Variants in SOX30 observed in about 807,000 individuals in gnomAD.
The protein encoded by SOX30 is SRY-box transcription factor 30.
A neutral mutation model predicts 58.6 loss-of-function variants in SOX30; 17 were observed. The ratio of observed to expected loss-of-function variants is 0.29; its 90% CI spans 0.20 to 0.44. The LOEUF (loss-of-function observed/expected upper bound fraction) is 0.44. Among genes scored for constraint, SOX30 ranks in the 20% least tolerant of loss-of-function variants. The pLI, the probability that SOX30 is intolerant of heterozygous loss-of-function variation, is 1.00. For synonymous variants in SOX30, 421 were observed against 400.2 expected, an observed-to-expected ratio of 1.05 and a Z score of -0.62; for missense variants, 951 against 965.8, an observed-to-expected ratio of 0.98 and a Z score of 0.20.
At position 157,638,569 on chromosome 5, in the gene SOX30, G is replaced by A. The variant is rs1369979711; in HGVS notation, c.1541C>T (p.Thr514Ile). 6.2e-7 allele frequency: 1 copy of A among 1,614,178 alleles called. No individual in the cohort carries two copies. Among genetic ancestry groups the A allele is most frequent in the South Asian group, 1.1e-5 (1 of 91,078 alleles). The stretch of plus-strand genomic sequence containing the variant: ...ATGAGTGTCTGTTTGGGAAGGCCCA[G>A]TAAAGCGTTGGGGTGGGAGTGCTGG... ...VYPALPPQRF[T>I]GPSQTDTHQL... Residue 514 changes from threonine (T) to isoleucine (I), a missense_variant, in exon 4 of 5, where the codon ACT (threonine) becomes ATT (isoleucine). By Grantham distance (89) the Thr-to-Ile change is moderately conservative. This residue lies in a region of SOX30 where 381 missense variants were observed against 390.0 expected (regional missense o/e 0.98). Transcript: ENST00000265007.
chr5:157,663,434 G>A (rs1318133838), intron 2 of SOX30, among the ~76,000 whole-genome samples: 6 of 152,086 alleles, frequency 3.9e-5, no homozygotes, highest in African/African-American at 1.2e-4. Context: ...AATAAATTTG[G>A]TATTGATGGG....
chr5:157,642,573 G>A lies in SOX30; in HGVS notation c.1388-3851C>T, dbSNP rs528395726. On this transcript the variant is annotated intron_variant, in intron 3 of 4. Transcript: ENST00000265007. ...TAGAAAAATGGAGATTATTTTACAT[G>A]ACAATGCTAAAAACACAAAAGAAAG... Among the ~76,000 whole-genome samples, 3 of 152,106 alleles carry A rather than the reference G, an allele frequency of 2.0e-5. No homozygotes were observed. The East Asian group carries it at 5.8e-4, about 29-fold the overall frequency.
At position 157,651,149 on chromosome 5, in the gene SOX30, G is replaced by T. The variant is rs770407746; in HGVS notation, c.930C>A (p.Thr310=). Reference sequence around the variant, plus strand: ...GCAACACGGTGAGCGGGACATCTTTGGTTTCAATTTTTACAGAAGGCTCCA... The same window carrying T: ...GCAACACGGTGAGCGGGACATCTTTTGTTTCAATTTTTACAGAAGGCTCCA... The part of the protein sequence containing the change: ...SLLEPSVKIE[T]KDVPLTVLPS... The change falls in exon 1 of 5, where the codon ACC becomes ACA. Residue 310 remains threonine, a synonymous_variant. Transcript: ENST00000265007. 1.2e-5 allele frequency: 19 copies of T among 1,573,892 alleles called. No homozygotes were observed. The highest frequency in any genetic ancestry group is 1.6e-5 in the Non-Finnish European group (18 of 1,159,994).
chr5:157,626,600 T>C lies in SOX30; in HGVS notation c.2002A>G (p.Arg668Gly). 6.2e-7 allele frequency: 1 copy of C among 1,614,224 alleles called. No individual in the cohort carries two copies. The highest frequency in any genetic ancestry group is 8.5e-7 in the Non-Finnish European group (1 of 1,180,038). The change falls in exon 5 of 5, where the codon AGA becomes GGA. Residue 668 changes from arginine (R) to glycine (G), a missense_variant. Transcript: ENST00000265007. ...GAGTAGTCTCTAAAAGAATAGTCTCTATTTAAAGTTGAAAAGATACCCTCA... is the reference window on the plus strand; with the variant it reads ...GAGTAGTCTCTAAAAGAATAGTCTCCATTTAAAGTTGAAAAGATACCCTCA... Reference protein sequence around the residue: ...KHEGIFSTLNRDYSFRDYSSE... With the variant: ...KHEGIFSTLNGDYSFRDYSSE...
intron 4 of SOX30, among the ~76,000 whole-genome samples, chr5:157,627,723 G>A (rs377099828): frequency 3.9e-5 from 6 of 152,122 alleles, no homozygotes; most frequent in African/African-American, 7.2e-5. Context: ...GGCCGGGCGC[G>A]GTGGCTCACG....
Position 157,669,528 on chromosome 5 carries a change from T to TTATTTATC in SOX30, c.-3-1677_-3-1676insGATAAATA, listed in dbSNP as rs1441841434. 3.2e-3 allele frequency among the ~76,000 whole-genome samples: 463 copies of TTATTTATC among 146,554 alleles called. 5 individuals are homozygous for TTATTTATC. The highest frequency in any genetic ancestry group is 0.011 in the African/African-American group (437 of 39,496). On this transcript the variant is annotated intron_variant, in intron 1 of 5. Transcript: ENST00000519442. ...TTTATTTATTTATTTATTTATTTAT[T>TTATTTATC]TATCTGAGACAAAGTATTTCTCTGT...
chr5:157,667,947 G>C, intron 1 of SOX30: 1 of 1,334,664 alleles, frequency 7.5e-7, no homozygotes, highest in Non-Finnish European at 1.0e-6. Context: ...AACAACACTT[G>C]TCAGGCATCA....
Position 157,638,296 on chromosome 5 carries a change from C to T in SOX30, c.1814G>A (p.Gly605Glu). 6.2e-7 allele frequency: 1 copy of T among 1,601,304 alleles called. No homozygotes were observed. Among genetic ancestry groups the T allele is most frequent in the Middle Eastern group, 1.7e-4 (1 of 5,988 alleles). Residue 605 changes from glycine to glutamate, a missense_variant, in exon 4 of 5, where the codon GGG (glycine) becomes GAG (glutamate). Around this residue, in one of 7 missense-constraint regions of SOX30, gnomAD observed 381 missense variants for 390.0 expected, o/e 0.98. Coordinates refer to ENST00000265007, the MANE Select transcript of SOX30 (RefSeq NM_178424.2). ...ATGAAAAGAGAATCTTGGTGGTGTC[C>T]CGAACAGTGTGGCTGGATGGCCAAG... The part of the protein sequence containing the change: ...PPLGHPATLF[G>E]TPPRFSFHHP...
intron 2 of SOX30, among the ~76,000 whole-genome samples, chr5:157,657,824 AT>A (rs1289233265): frequency 1.3e-5 from 2 of 152,264 alleles, no homozygotes; most frequent in African/African-American, 2.4e-5. Flanking sequence ...CATAAGTGCA[AT>A]AAGAACCTCT....
At chr5:157,658,910 G>T (rs1482728828) in intron 2 of SOX30, among the ~76,000 whole-genome samples, 1 of 152,178 alleles carries the variant, frequency 6.6e-6, no homozygotes, top group African/African-American at 2.4e-5. Context: ...ACAGCTTGCA[G>T]ATAAAACAGG....
intron 4 of SOX30, among the ~76,000 whole-genome samples, chr5:157,630,647 G>A (rs1273833354): frequency 6.6e-6 from 1 of 151,538 alleles, no homozygotes; most frequent in Non-Finnish European, 1.5e-5. Flanking sequence ...TTTACAGATT[G>A]GCTTTGAACT....
intron 4 of SOX30, among the ~76,000 whole-genome samples, chr5:157,634,794 C>T (rs1758888560): frequency 2.0e-5 from 3 of 152,060 alleles, no homozygotes; most frequent in South Asian, 4.2e-4. Flanking sequence ...ATTACAGGTG[C>T]CCACCACCAC....
chr5:157,647,121 G>T (rs1247560345), intron 2 of SOX30, among the ~76,000 whole-genome samples: 3 of 151,192 alleles, frequency 2.0e-5, no homozygotes, highest in Non-Finnish European at 2.9e-5. Flanking sequence ...GAGTGCAATG[G>T]CACAATCTCG....
chr5:157,659,178 C>T (rs527663288), intron 2 of SOX30, among the ~76,000 whole-genome samples: 14 of 152,348 alleles, frequency 9.2e-5, no homozygotes, highest in African/African-American at 3.1e-4. Context: ...TATTGCTTTA[C>T]TTTCTTAAAC....
chr5:157,638,256 T>G lies in SOX30; in HGVS notation c.1854A>C (p.Leu618=). 6.5e-7 allele frequency: 1 copy of G among 1,541,588 alleles called. No individual in the cohort carries two copies. The highest frequency in any genetic ancestry group is 1.3e-5 in the South Asian group (1 of 79,000). Residue 618 remains leucine, a synonymous_variant, in exon 4 of 5, where the codon CTA becomes CTC. Transcript: ENST00000265007. Reference sequence around the variant, plus strand: ...TTGATGGGAAGTAGTGAGGTCCGGGTAGGAAGTAAGGGTGATGAAAAGAGA... The same window carrying G: ...TTGATGGGAAGTAGTGAGGTCCGGGGAGGAAGTAAGGGTGATGAAAAGAGA... ...PRFSFHHPYF[L]PGPHYFPSST... is the part of the protein sequence containing the mutation.
At chr5:157,666,295 G>T (rs543648842) in intron 2 of SOX30, among the ~76,000 whole-genome samples, 1 of 151,970 alleles carries the variant, frequency 6.6e-6, no homozygotes, top group South Asian at 2.1e-4. Context: ...AGAGTAGCTG[G>T]GACCACAGGA....
chr5:157,654,681 C>T (rs1478594370), upstream of SOX30, among the ~76,000 whole-genome samples: 1 of 152,128 alleles, frequency 6.6e-6, no homozygotes, highest in Non-Finnish European at 1.5e-5. Flanking sequence ...AAGTACAGGT[C>T]ATAAAAACCT....
chr5:157,655,081 T>C (rs929837000), upstream of SOX30, among the ~76,000 whole-genome samples: 1 of 152,202 alleles, frequency 6.6e-6, no homozygotes, highest in Admixed American at 6.5e-5. Flanking sequence ...CTGGACCCCT[T>C]TCCTGTAACT....
intron 2 of SOX30, among the ~76,000 whole-genome samples, chr5:157,657,865 C>A (rs1220482911): frequency 2.0e-5 from 3 of 152,162 alleles, no homozygotes; most frequent in Non-Finnish European, 4.4e-5. Context: ...CAATTGGAAA[C>A]AGTGGTTATT....
Sources: gnomAD v4.1 joint callset for allele counts (sites outside exome capture counted in the v4.1 genomes callset) on GRCh38, gnomAD v4.1.1 for gene constraint, gnomAD v4.1.1 regional missense constraint, MANE v1.5 for transcripts, NCBI Gene and HGNC (gene_info 2026-07-23, HGNC 2026-07-21) for gene names.